The following CCDC33 variants were observed in gnomAD, a reference collection of about 807,000 sequenced individuals.
CCDC33 encodes coiled-coil domain-containing protein 33.
Under a neutral mutation model 91.9 loss-of-function variants are expected in CCDC33, and 94 were observed. That is an observed-to-expected ratio of 1.02 (90% CI 0.87 to 1.21). CCDC33 has a LOEUF of 1.21. Among genes scored for constraint, CCDC33 ranks in the 50% most tolerant of loss-of-function variants. The pLI, the probability that CCDC33 is intolerant of heterozygous loss-of-function variation, is 0.00. For synonymous variants in CCDC33, 396 were observed against 374.5 expected (o/e 1.06, Z -0.66); for missense variants, 940 against 935.5 (o/e 1.00, Z -0.06).
chr15:74,206,657 G>A (rs2142108014), intron 1 of CCDC33, among the ~76,000 whole-genome samples: 1 of 152,348 alleles, frequency 6.6e-6, no homozygotes, highest in Non-Finnish European at 1.5e-5. Context: ...GAAAGGAGGA[G>A]ATGGCTTGGG....
At chr15:74,207,617 T>G in intron 1 of CCDC33, 2 of 1,344,926 alleles carry the variant, frequency 1.5e-6, no homozygotes, top group Non-Finnish European at 2.1e-6. Context: ...AAACCTCAGG[T>G]ACACCCCCAA....
At chr15:74,233,686 C>T (rs2075055396), upstream of CCDC33, among the ~76,000 whole-genome samples, 1 of 152,178 alleles carries the variant, frequency 6.6e-6, no homozygotes, top group African/African-American at 2.4e-5. Context: ...CAGGGAAAAG[C>T]GAGCATGCCT....
At chr15:74,307,187 G>A (rs2059907568) in intron 11 of CCDC33, among the ~76,000 whole-genome samples, 1 of 152,234 alleles carries the variant, frequency 6.6e-6, no homozygotes, top group Non-Finnish European at 1.5e-5. Context: ...ATTGGTGAGG[G>A]TGAGGTGGAC....
intron 10 of CCDC33, among the ~76,000 whole-genome samples, chr15:74,285,212 C>A (rs1233502128): frequency 6.6e-6 from 1 of 152,198 alleles, no homozygotes; most frequent in South Asian, 2.1e-4. Flanking sequence ...CATGAGCCTC[C>A]ATGTCCAGGA....
At chr15:74,296,630 A>T (rs1567010761) in intron 11 of CCDC33, among the ~76,000 whole-genome samples, 2 of 151,996 alleles carry the variant, frequency 1.3e-5, no homozygotes, top group Non-Finnish European at 2.9e-5. Flanking sequence ...CCATCTCAAA[A>T]AATAATAATA....
At chr15:74,241,075 C>T (rs1184921294) in intron 1 of CCDC33, among the ~76,000 whole-genome samples, 1 of 152,220 alleles carries the variant, frequency 6.6e-6, no homozygotes, top group East Asian at 1.9e-4. Context: ...CCTCCTTCAC[C>T]TCCAGGCAGG....
At chr15:74,307,359 G>A (rs933085898) in intron 11 of CCDC33, among the ~76,000 whole-genome samples, 10 of 152,118 alleles carry the variant, frequency 6.6e-5, no homozygotes, top group Non-Finnish European at 1.3e-4. Context: ...CCAGAACTTC[G>A]GTCACAATCT....
At chr15:74,307,513 G>A (rs1457385578) in intron 11 of CCDC33, among the ~76,000 whole-genome samples, 1 of 152,006 alleles carries the variant, frequency 6.6e-6, no homozygotes. Context: ...CAGGTTGGGG[G>A]TCTCCAGCCT....
chr15:74,254,173 C>A (rs1007571709), intron 2 of CCDC33, among the ~76,000 whole-genome samples: 11 of 151,940 alleles, frequency 7.2e-5, no homozygotes, highest in Admixed American at 7.2e-4. Flanking sequence ...GCTGGGATTA[C>A]AGGCGCGCGC....
At chr15:74,217,725 A>T (rs1280276049) in intron 1 of CCDC33, 6 of 594,888 alleles carry the variant, frequency 1.0e-5, no homozygotes, top group African/African-American at 9.8e-5. Flanking sequence ...TGCCGGTGTG[A>T]CCTTGGGCAA....
chr15:74,226,449 A>G (rs1000796744), intron 2 of CCDC33, among the ~76,000 whole-genome samples: 4 of 152,166 alleles, frequency 2.6e-5, no homozygotes, highest in Admixed American at 2.0e-4. Flanking sequence ...GCGTGGTGCT[A>G]ACAACCCATC....
chr15:74,308,762 C>T (rs769906849), intron 11 of CCDC33, among the ~76,000 whole-genome samples: 8 of 152,192 alleles, frequency 5.3e-5, no homozygotes, highest in Non-Finnish European at 1.0e-4. Context: ...AGGGTGGACC[C>T]TGGGGTTGGG....
chr15:74,306,151 T>A (rs1008705929), intron 11 of CCDC33, among the ~76,000 whole-genome samples: 1 of 152,168 alleles, frequency 6.6e-6, no homozygotes, highest in East Asian at 1.9e-4. Flanking sequence ...CCAAGATATG[T>A]GACAGTCACA....
upstream of CCDC33, among the ~76,000 whole-genome samples, chr15:74,233,103 T>C (rs2075034837): frequency 6.6e-6 from 1 of 152,188 alleles, no homozygotes; most frequent in African/African-American, 2.4e-5. Context: ...AGGCCCTTCA[T>C]CCCGGAGGCC....
chr15:74,203,605 C>T (rs185179348), intron 1 of CCDC33, among the ~76,000 whole-genome samples: 1 of 152,360 alleles, frequency 6.6e-6, no homozygotes, highest in East Asian at 1.9e-4. Flanking sequence ...TTTAAGAAGA[C>T]ATTATTCATT....
At chr15:74,240,978 G>T (rs144598318) in intron 1 of CCDC33, among the ~76,000 whole-genome samples, 11 of 152,136 alleles carry the variant, frequency 7.2e-5, no homozygotes, top group African/African-American at 2.2e-4. Context: ...GCTGGGGAGT[G>T]GGGGGGTCAT....
At chr15:74,323,507 T>G (rs2060246845) in intron 11 of CCDC33, among the ~76,000 whole-genome samples, 1 of 147,064 alleles carries the variant, frequency 6.8e-6, no homozygotes, top group Non-Finnish European at 1.5e-5. Flanking sequence ...TTGCTTTGCT[T>G]CTTTATTTTT....
At chr15:74,217,889 T>G (rs2074489252) in intron 1 of CCDC33, among the ~76,000 whole-genome samples, 1 of 152,074 alleles carries the variant, frequency 6.6e-6, no homozygotes, top group South Asian at 2.1e-4. Context: ...TGGGGGCCAG[T>G]CCTGAGCAGT....
intron 1 of CCDC33, chr15:74,207,868 C>T (rs2074296852): frequency 2.0e-6 from 3 of 1,519,610 alleles, no homozygotes; most frequent in Admixed American, 2.0e-5. Flanking sequence ...AAGTCTGACT[C>T]CACACAGTGG....
Sources: allele counts gnomAD v4.1 joint callset (sites outside exome capture counted in the v4.1 genomes callset), GRCh38; gene constraint gnomAD v4.1.1; transcripts MANE v1.5; gene names NCBI Gene and HGNC (gene_info 2026-07-23, HGNC 2026-07-21).